MAP3K20: variants seen among roughly 807,000 people sequenced by gnomAD.
MAP3K20 encodes the protein HCCS-4.
MAP3K20 carries 40 observed loss-of-function variants against 85.7 expected under a neutral mutation model. That is an observed-to-expected ratio of 0.47 (90% CI 0.36 to 0.61). The LOEUF (loss-of-function observed/expected upper bound fraction) is 0.61. Ranked by LOEUF, MAP3K20 falls within the 20% of genes least tolerant of loss-of-function variation. The pLI is 0.00. For missense variants in MAP3K20, 817 were observed against 961.7 expected, an observed-to-expected ratio of 0.85 and a Z score of 1.99; for synonymous variants, 325 against 327.7, an observed-to-expected ratio of 0.99 and a Z score of 0.09.
chr2:173,079,568 A>G (rs979716249), intron 1 of MAP3K20, among the ~76,000 whole-genome samples: 6 of 152,308 alleles, frequency 3.9e-5, no homozygotes, highest in Middle Eastern at 6.8e-3. Flanking sequence ...AATAACACTT[A>G]GCTTAAAACA....
intron 15 of MAP3K20, among the ~76,000 whole-genome samples, chr2:173,238,996 C>T (rs1684718302): frequency 6.6e-6 from 1 of 152,120 alleles, no homozygotes; most frequent in South Asian, 2.1e-4. Flanking sequence ...CTGCTTCATC[C>T]TCCATCCACA....
chr2:173,110,172 T>TAATAAAA (rs1365291126), intron 2 of MAP3K20, among the ~76,000 whole-genome samples: 1 of 128,340 alleles, frequency 7.8e-6, no homozygotes. Context: ...TATATATAAA[T>TAATAAAA]AATAAAATAT....
At chr2:173,204,436 AG>A (rs1683595892) in intron 9 of MAP3K20, among the ~76,000 whole-genome samples, 1 of 152,204 alleles carries the variant, frequency 6.6e-6, no homozygotes, top group Non-Finnish European at 1.5e-5. Flanking sequence ...AGCAGACAAA[AG>A]TAGCGCTTCT....
At chr2:173,179,082 A>C (rs1244113604) in intron 3 of MAP3K20, among the ~76,000 whole-genome samples, 1 of 152,206 alleles carries the variant, frequency 6.6e-6, no homozygotes, top group Non-Finnish European at 1.5e-5. Flanking sequence ...AGCATTTGAC[A>C]GACAACACTC....
At chr2:173,194,685 A>T (rs1278004875) in intron 7 of MAP3K20, among the ~76,000 whole-genome samples, 1 of 151,944 alleles carries the variant, frequency 6.6e-6, no homozygotes, top group Non-Finnish European at 1.5e-5. Context: ...CCCATTGTTC[A>T]TTGGGAGTCT....
intron 2 of MAP3K20, among the ~76,000 whole-genome samples, chr2:173,096,012 A>C (rs1238073450): frequency 2.0e-5 from 3 of 152,220 alleles, no homozygotes; most frequent in Admixed American, 6.5e-5. Flanking sequence ...AAATATTTGC[A>C]TACCTACCAT....
In MAP3K20 at chr2:173,191,134, G is replaced by A; in HGVS notation, c.539G>A (p.Ser180Asn). 1 of 1,614,026 alleles carries A rather than the reference G, an allele frequency of 6.2e-7. No individual in the cohort carries two copies. Among genetic ancestry groups the A allele is most frequent in the Non-Finnish European group, 8.5e-7 (1 of 1,179,946 alleles). Residue 180 changes from serine to asparagine, a missense_variant, in exon 7 of 20, where the codon AGT (serine) becomes AAT (asparagine). By Grantham distance (46) the Ser-to-Asn change is conservative. Coordinates refer to ENST00000375213, the MANE Select transcript of MAP3K20 (RefSeq NM_016653.3). ...TGGATGGCTCCAGAAGTTATCCAGAGTCTCCCTGTGTCAGAAACTTGTGAC... is the reference window on the plus strand; with the variant it reads ...TGGATGGCTCCAGAAGTTATCCAGAATCTCCCTGTGTCAGAAACTTGTGAC... ...FPWMAPEVIQ[S>N]LPVSETCDTY... is the part of the protein sequence containing the mutation.
intron 2 of MAP3K20, among the ~76,000 whole-genome samples, chr2:173,104,868 G>A (rs1687739772): frequency 1.3e-5 from 2 of 152,116 alleles, no homozygotes; most frequent in South Asian, 2.1e-4. Flanking sequence ...TTAAGGGAGG[G>A]AACCAAGCAT....
intron 16 of MAP3K20, among the ~76,000 whole-genome samples, chr2:173,252,725 G>A (rs1025144698): frequency 1.3e-5 from 2 of 152,082 alleles, no homozygotes; most frequent in Non-Finnish European, 2.9e-5. Context: ...GCAAATGCCC[G>A]TCAAGCACTT....
chr2:173,216,902 C>T (rs1684089173), intron 10 of MAP3K20, among the ~76,000 whole-genome samples: 1 of 152,186 alleles, frequency 6.6e-6, no homozygotes, highest in Non-Finnish European at 1.5e-5. Flanking sequence ...GGCCCTTCAA[C>T]ACTTTGTTGA....
chr2:173,087,501 T>G (rs1486562844), intron 1 of MAP3K20, among the ~76,000 whole-genome samples: 1 of 152,216 alleles, frequency 6.6e-6, no homozygotes, highest in African/African-American at 2.4e-5. Flanking sequence ...TTAGAATACA[T>G]GAGTTACAGA....
At chr2:173,094,821 G>T (rs1251678862) in intron 2 of MAP3K20, among the ~76,000 whole-genome samples, 1 of 151,822 alleles carries the variant, frequency 6.6e-6, no homozygotes, top group African/African-American at 2.4e-5. Context: ...AGTTAAGAGG[G>T]GTTTACCCAA....
rs1446457518 is a variant in MAP3K20, at chr2:173,195,098, AAG to A, written c.583-2925_583-2924del. Among the ~76,000 whole-genome samples the A allele has an allele frequency of 2.0e-5, 3 of 151,890 alleles. No individual in the cohort carries two copies. The East Asian group carries it at 5.8e-4, about 29-fold the overall frequency. On this transcript the variant is annotated intron_variant, in intron 7 of 19. Coordinates refer to ENST00000375213, the MANE Select transcript of MAP3K20 (RefSeq NM_016653.3). Reference sequence around the variant, plus strand: ...AGAACTCTTGGAGGACTGAACCTGGAAGAGTGTTTAGTATGTTATCCACAAAA... The same window carrying A: ...AGAACTCTTGGAGGACTGAACCTGGAAGTGTTTAGTATGTTATCCACAAAA...
intron 16 of MAP3K20, among the ~76,000 whole-genome samples, chr2:173,255,279 A>G (rs1685131861): frequency 6.6e-6 from 1 of 152,188 alleles, no homozygotes; most frequent in Non-Finnish European, 1.5e-5. Context: ...CCTGTTGTCC[A>G]TGGCTGGACC....
chr2:173,185,624 C>G (rs1320079807), intron 4 of MAP3K20, among the ~76,000 whole-genome samples: 1 of 152,126 alleles, frequency 6.6e-6, no homozygotes, highest in Non-Finnish European at 1.5e-5. Context: ...GTTGAGAAAT[C>G]AGAGAATGAA....
chr2:173,189,913 T>C (rs1690598280), intron 5 of MAP3K20, among the ~76,000 whole-genome samples: 1 of 152,194 alleles, frequency 6.6e-6, no homozygotes. Flanking sequence ...TGTCCTCATC[T>C]GTCTCCTGGA....
chr2:173,212,131 ATATG>A (rs1437989195), intron 10 of MAP3K20: 1 of 152,130 alleles, frequency 6.6e-6, no homozygotes, highest in African/African-American at 2.4e-5. Context: ...GAGAATATAA[ATATG>A]TATGTTTGCC....
Position 173,217,220 on chromosome 2 carries a change from G to A in MAP3K20, c.957G>A (p.Glu319=). The change falls in exon 11 of 20, where the codon GAG becomes GAA. Residue 319 remains glutamate, a synonymous_variant. Transcript: ENST00000375213. ...KERERRLKMW[E]QKLTEQSNTP... is the part of the protein sequence containing the mutation. The stretch of plus-strand genomic sequence containing the variant: ...GAGAAAGACGTTTAAAGATGTGGGA[G>A]CAAAAGCTGACAGAGCAGTCCAACA... 1 of 1,599,328 alleles carries A rather than the reference G, an allele frequency of 6.3e-7. No individual in the cohort carries two copies. The highest frequency in any genetic ancestry group is 8.5e-7 in the Non-Finnish European group (1 of 1,172,622).
chr2:173,152,478 C>T (rs1689336343), intron 2 of MAP3K20, among the ~76,000 whole-genome samples: 1 of 152,158 alleles, frequency 6.6e-6, no homozygotes, highest in Non-Finnish European at 1.5e-5. Context: ...GTATTTGTTA[C>T]ACAAACACTG....
Sources: gnomAD v4.1 joint callset for allele counts (sites outside exome capture counted in the v4.1 genomes callset) on GRCh38, gnomAD v4.1.1 for gene constraint, MANE v1.5 for transcripts, NCBI Gene and HGNC (gene_info 2026-07-23, HGNC 2026-07-21) for gene names.